Variants in LINGO2 observed in about 807,000 individuals in gnomAD.
LINGO2 encodes the protein leucine rich repeat and Ig domain containing 2.
LINGO2 carries 14 observed loss-of-function variants against 30.6 expected under a neutral mutation model. The ratio of observed to expected loss-of-function variants is 0.46; its 90% CI spans 0.30 to 0.72. The LOEUF (loss-of-function observed/expected upper bound fraction) is 0.72. Among genes scored for constraint, LINGO2 ranks in the 30% least tolerant of loss-of-function variants. LINGO2 has a pLI of 0.07. For synonymous variants in LINGO2, 317 were observed against 288.5 expected, an observed-to-expected ratio of 1.10 and a Z score of -1.00; for missense variants, 729 against 751.7, an observed-to-expected ratio of 0.97 and a Z score of 0.35.
At chr9:28,094,033 C>T (rs1201468910) in intron 4 of LINGO2, among the ~76,000 whole-genome samples, 6 of 151,990 alleles carry the variant, frequency 3.9e-5, no homozygotes, top group Non-Finnish European at 8.8e-5. Context: ...ACATGCTAGG[C>T]AATCAATAAA....
At position 28,287,680 on chromosome 9, in the gene LINGO2, A is replaced by C. The variant is rs564034399; in HGVS notation, c.-87+7528T>G. Among the ~76,000 whole-genome samples the C allele has an allele frequency of 1.5e-4, 23 of 152,304 alleles. No individual in the cohort carries two copies. In the South Asian group the frequency reaches 4.8e-3, roughly 32 times the overall value. The stretch of plus-strand genomic sequence containing the variant: ...ATAAAGCCAGAGAGAAAAAAGTCTC[A>C]AAAGGGAAATAAAGTAGGGTAGCAG... On this transcript the variant is annotated intron_variant, in intron 4 of 5. Transcript: ENST00000379992.
intron 1 of LINGO2, among the ~76,000 whole-genome samples, chr9:28,660,984 C>T (rs1243158948): frequency 2.0e-5 from 3 of 152,038 alleles, no homozygotes. Context: ...TAACCTCTGC[C>T]AGGTAGTTAA....
chr9:28,157,430 A>G (rs1176705973), intron 4 of LINGO2, among the ~76,000 whole-genome samples: 1 of 152,116 alleles, frequency 6.6e-6, no homozygotes, highest in Admixed American at 6.5e-5. Context: ...CTGGCCCACA[A>G]AACCACTTTT....
At chr9:28,376,705 C>T (rs4879242) in intron 2 of LINGO2, among the ~76,000 whole-genome samples, 51,960 of 152,028 alleles carry the variant, frequency 0.34, 10,159 homozygotes, top group Non-Finnish European at 0.42. Context: ...AGTAACTTCC[C>T]AATAAATTTC....
chr9:28,355,564 A>G lies in LINGO2; in HGVS notation c.-246+17272T>C, dbSNP rs149795525. On this transcript the variant is annotated intron_variant, in intron 3 of 5. Transcript: ENST00000379992. ...AACAACAAAAGCTTTCTCAAGGAGA[A>G]CAAGTGAAGGTGGGTCTGCAAATAA... Among the ~76,000 whole-genome samples, 94 of 152,200 alleles carry G rather than the reference A, an allele frequency of 6.2e-4. 1 individual carries two copies. Among genetic ancestry groups the G allele is most frequent in the African/African-American group, 2.1e-3 (89 of 41,520 alleles).
chr9:28,108,248 A>G (rs993728296), intron 4 of LINGO2, among the ~76,000 whole-genome samples: 1 of 152,148 alleles, frequency 6.6e-6, no homozygotes, highest in Non-Finnish European at 1.5e-5. Context: ...TAAAGTCGCA[A>G]TTAGGTTGTT....
chr9:28,484,630 T>A (rs7871701), intron 1 of LINGO2, among the ~76,000 whole-genome samples: 3 of 152,052 alleles, frequency 2.0e-5, no homozygotes, highest in Non-Finnish European at 2.9e-5. Flanking sequence ...TTAAAATACA[T>A]TGAACACTGT....
At position 28,354,909 on chromosome 9, in the gene LINGO2, G is replaced by C. The variant is rs536195776; in HGVS notation, c.-246+17927C>G. 4.6e-5 allele frequency among the ~76,000 whole-genome samples: 7 copies of C among 152,214 alleles called. No homozygotes were observed. The South Asian group carries it at 1.5e-3, about 32-fold the overall frequency. ...CATATAAAAAATAAAATACAACTGA[G>C]ACTTGATCAGCTTGCTGTTGTGCAT... is the stretch of plus-strand genomic sequence containing the variant. On this transcript the variant is annotated intron_variant, in intron 3 of 5. Coordinates refer to ENST00000379992, the Ensembl canonical transcript of LINGO2.
intron 1 of LINGO2, among the ~76,000 whole-genome samples, chr9:28,507,246 C>CATGA (rs1453181317): frequency 3.3e-5 from 4 of 122,686 alleles, no homozygotes; most frequent in African/African-American, 1.4e-4. Context: ...TGCGTGCGTG[C>CATGA]GCACATGTGT....
the LINGO2 span, among the ~76,000 whole-genome samples, chr9:29,202,365 C>T: frequency 2.0e-5 from 3 of 151,900 alleles, no homozygotes; most frequent in Non-Finnish European, 4.4e-5. Flanking sequence ...TGCAAAGCCA[C>T]GGAGACATAT....
chr9:29,075,427 T>C, the LINGO2 span, among the ~76,000 whole-genome samples: 1 of 152,294 alleles, frequency 6.6e-6, no homozygotes, highest in South Asian at 2.1e-4. Flanking sequence ...AGGAGTGCAT[T>C]TTGAAATAAT....
intron 4 of LINGO2, among the ~76,000 whole-genome samples, chr9:28,159,152 TTTGTTACCTGAC>T (rs1828217488): frequency 6.6e-6 from 1 of 152,198 alleles, no homozygotes; most frequent in Non-Finnish European, 1.5e-5. Context: ...ATTTTCTTAT[TTTGTTACCTGAC>T]TTGTTAATTG....
intron 4 of LINGO2, among the ~76,000 whole-genome samples, chr9:28,090,436 C>T (rs921706162): frequency 1.3e-5 from 2 of 152,220 alleles, no homozygotes; most frequent in Non-Finnish European, 1.5e-5. Flanking sequence ...TGTAATCCAA[C>T]ATATAAACAG....
rs148794042 is a variant in LINGO2, at chr9:28,151,285, C to A, written c.-86-138880G>T. ...AGATTGATAGAAAAAAGACTAAAAT[C>A]TCCTTTAATATATGCATAAGAGGAA... On this transcript the variant is annotated intron_variant, in intron 4 of 5. Transcript: ENST00000379992. Among the ~76,000 whole-genome samples, 893 of 152,098 alleles carry A rather than the reference C, an allele frequency of 5.9e-3. 11 individuals are homozygous for A. Among genetic ancestry groups the A allele is most frequent in the African/African-American group, 0.02 (844 of 41,542 alleles).
intron 1 of LINGO2, among the ~76,000 whole-genome samples, chr9:28,531,847 G>C (rs1281409591): frequency 1.3e-5 from 2 of 151,900 alleles, no homozygotes; most frequent in East Asian, 3.9e-4. Context: ...TGAAAATTCT[G>C]GACTATTTCC....
chr9:29,103,500 T>A, the LINGO2 span, among the ~76,000 whole-genome samples: 1 of 152,076 alleles, frequency 6.6e-6, no homozygotes, highest in Non-Finnish European at 1.5e-5. Context: ...TCTTTCATAA[T>A]TTTACATTTA....
chr9:28,251,372 A>T (rs1334617842), intron 4 of LINGO2, among the ~76,000 whole-genome samples: 1 of 152,146 alleles, frequency 6.6e-6, no homozygotes, highest in Non-Finnish European at 1.5e-5. Context: ...TTTTGTAAAG[A>T]TATGAGAAGT....
chr9:28,631,749 G>C (rs1207137154), intron 1 of LINGO2, among the ~76,000 whole-genome samples: 4 of 152,056 alleles, frequency 2.6e-5, no homozygotes, highest in African/African-American at 9.7e-5. Context: ...GTCCTCACTT[G>C]TGGAGGACAG....
intron 4 of LINGO2, among the ~76,000 whole-genome samples, chr9:28,252,885 T>A (rs1046655889): frequency 4.6e-5 from 7 of 152,044 alleles, no homozygotes; most frequent in African/African-American, 1.7e-4. Flanking sequence ...ATATTGTAGA[T>A]TGGCCATTAA....
Sources: allele counts gnomAD v4.1 joint callset (sites outside exome capture counted in the v4.1 genomes callset), GRCh38; gene constraint gnomAD v4.1.1; transcripts MANE v1.5; gene names NCBI Gene and HGNC (gene_info 2026-07-23, HGNC 2026-07-21).